The following ABHD12 variants were observed in gnomAD, a reference collection of about 807,000 sequenced individuals.
ABHD12 encodes the protein abhydrolase domain containing 12, lysophospholipase.
A neutral mutation model predicts 58.3 loss-of-function variants in ABHD12; 43 were observed. The observed-to-expected ratio is 0.74, with a 90% CI of 0.58 to 0.95. The LOEUF (loss-of-function observed/expected upper bound fraction) is 0.95, where lower values mean the gene tolerates loss of function less well. Among genes scored for constraint, ABHD12 ranks in the 40% least tolerant of loss-of-function variants. The pLI is 0.00. For synonymous variants in ABHD12, 219 were observed against 211.2 expected, an observed-to-expected ratio of 1.04 and a Z score of -0.32; for missense variants, 539 against 537.2, an observed-to-expected ratio of 1.00 and a Z score of -0.03.
intron 1 of ABHD12, among the ~76,000 whole-genome samples, chr20:25,386,925 T>C (rs1003423034): frequency 3.3e-5 from 5 of 152,120 alleles, no homozygotes; most frequent in Admixed American, 6.5e-5. Context: ...AATCTGGCTA[T>C]ACAATAAGAG....
At chr20:25,318,663 CTTTT>C (rs35288907) in intron 4 of ABHD12, among the ~76,000 whole-genome samples, 1 of 145,148 alleles carries the variant, frequency 6.9e-6, no homozygotes. Flanking sequence ...TAGGCAGGAT[CTTTT>C]TTTTTTTTTT....
chr20:25,385,533 G>C (rs2090077520), intron 1 of ABHD12, among the ~76,000 whole-genome samples: 1 of 152,048 alleles, frequency 6.6e-6, no homozygotes, highest in East Asian at 1.9e-4. Context: ...CACTGTAGTA[G>C]TTACCGAAGT....
In ABHD12 at chr20:25,309,447, C is replaced by T; in HGVS notation, c.748G>A (p.Gly250Ser). The change falls in exon 7 of 13, where the codon GGC (glycine) becomes AGC (serine). Residue 250 changes from glycine (G) to serine (S), a missense_variant and splice_region_variant. By Grantham distance (56) the Gly-to-Ser change is moderately conservative. Coordinates refer to ENST00000339157, the MANE Select transcript of ABHD12 (RefSeq NM_001042472.3). ...CTGCCTCCTGCTGGGGTCCCTTACCCAGTGCCCAGAGAGTGGCCCCAGATG... is the reference window on the plus strand; with the variant it reads ...CTGCCTCCTGCTGGGGTCCCTTACCTAGTGCCCAGAGAGTGGCCCCAGATG... The part of the protein sequence containing the change: ...VYIWGHSLGT[G>S]VATNLVRRLC... 1 of 1,614,096 alleles carries T rather than the reference C, an allele frequency of 6.2e-7. No homozygotes were observed. Among genetic ancestry groups the T allele is most frequent in the Non-Finnish European group, 8.5e-7 (1 of 1,179,986 alleles).
intron 1 of ABHD12, among the ~76,000 whole-genome samples, chr20:25,359,285 G>A (rs1425622802): frequency 2.7e-5 from 4 of 150,454 alleles, no homozygotes; most frequent in African/African-American, 9.8e-5. Flanking sequence ...TTAGCCGGGC[G>A]TGATGGCGGG....
intron 7 of ABHD12, 58 bp downstream of exon 7, chr20:25,309,388 G>A: frequency 1.2e-6 from 2 of 1,611,554 alleles, no homozygotes. Context: ...ATCCAGGCAT[G>A]GGAGTCACCA....
downstream of ABHD12, chr20:25,296,729 G>A (rs73343097): frequency 2.1e-3 from 1,413 of 685,068 alleles, 23 homozygotes; most frequent in African/African-American, 0.023. Flanking sequence ...TCTTGTAAAG[G>A]AAGCCAGAGT....
intron 1 of ABHD12, among the ~76,000 whole-genome samples, chr20:25,374,810 T>G (rs934679880): frequency 6.6e-6 from 1 of 152,190 alleles, no homozygotes; most frequent in Admixed American, 6.5e-5. Context: ...TACAGTGTTT[T>G]AATGTGCTTC....
rs58722006 is a variant in ABHD12, at chr20:25,362,874, T to A, written c.192-23523A>T. 6.6e-3 allele frequency among the ~76,000 whole-genome samples: 996 copies of A among 151,998 alleles called. 16 individuals are homozygous for A. The highest frequency in any genetic ancestry group is 0.023 in the African/African-American group (954 of 41,514). On this transcript the variant is annotated intron_variant, in intron 1 of 12. Coordinates refer to ENST00000339157, the MANE Select transcript of ABHD12 (RefSeq NM_001042472.3). Reference sequence around the variant, plus strand: ...TTTTTACTAGAGACAGGTTTCTCCATGTTGGTCAGGCTACTCTCGAAGTCC... The same window carrying A: ...TTTTTACTAGAGACAGGTTTCTCCAAGTTGGTCAGGCTACTCTCGAAGTCC...
chr20:25,358,879 G>C (rs1274294061), intron 1 of ABHD12, among the ~76,000 whole-genome samples: 1 of 152,034 alleles, frequency 6.6e-6, no homozygotes, highest in Non-Finnish European at 1.5e-5. Flanking sequence ...GTGAAGACCT[G>C]GATGAAAATC....
intron 2 of ABHD12, among the ~76,000 whole-genome samples, chr20:25,326,984 G>C (rs2089187255): frequency 6.6e-6 from 1 of 152,166 alleles, no homozygotes; most frequent in South Asian, 2.1e-4. Context: ...TAATGCCTTT[G>C]CCATGCAAGC....
chr20:25,330,009 C>A lies in ABHD12; in HGVS notation c.317-6579G>T, dbSNP rs150691036. Among the ~76,000 whole-genome samples, 214 of 152,332 alleles carry A rather than the reference C, an allele frequency of 1.4e-3. 2 individuals carry two copies. Among genetic ancestry groups the A allele is most frequent in the African/African-American group, 4.7e-3 (195 of 41,588 alleles). The stretch of plus-strand genomic sequence containing the variant: ...TCCAGTCTACAGCTCCCAGCGTGAG[C>A]GACACAGAAGACGGGTGATTTCTGC... On this transcript the variant is annotated intron_variant, in intron 2 of 12. Coordinates refer to ENST00000339157, the MANE Select transcript of ABHD12 (RefSeq NM_001042472.3).
intron 1 of ABHD12, among the ~76,000 whole-genome samples, chr20:25,361,971 A>C (rs1029170339): frequency 3.9e-4 from 58 of 149,938 alleles, no homozygotes; most frequent in South Asian, 8.5e-4. Flanking sequence ...CACACACACA[A>C]AAAAAGAAAA....
exon 13 of ABHD12, chr20:25,294,896 T>TTTCAGCTG: frequency 6.5e-7 from 1 of 1,538,132 alleles, no homozygotes; most frequent in South Asian, 1.1e-5. Flanking sequence ...TCACCTGCCC[T>TTTCAGCTG]CCACTTTCAG....
In ABHD12 at chr20:25,306,916, C is replaced by G. The variant is rs1181033459; in HGVS notation, c.868-1G>C. ...CAAACCCAGGGAAGTATCGATATAT[C>G]TGGAGACAAGATGGAAACCATTTTC... is the stretch of plus-strand genomic sequence containing the variant. On this transcript the variant is annotated splice_acceptor_variant, in intron 9 of 12. Coordinates refer to ENST00000339157, the MANE Select transcript of ABHD12 (RefSeq NM_001042472.3). LOFTEE classifies it high-confidence loss of function. The G allele has an allele frequency of 6.2e-7, 1 of 1,606,426 alleles. No homozygotes were observed. The highest frequency in any genetic ancestry group is 8.5e-7 in the Non-Finnish European group (1 of 1,173,916).
intron 1 of ABHD12, among the ~76,000 whole-genome samples, chr20:25,387,070 CCATTTTTTATTTTAAAAA>C (rs1568781610): frequency 6.6e-6 from 1 of 152,008 alleles, no homozygotes; most frequent in African/African-American, 2.4e-5. Context: ...AACTCAATCA[CCATTTTTTATTTTAAAAA>C]CATCAGTGAG....
chr20:25,305,433 G>T (rs755311478), intron 10 of ABHD12, among the ~76,000 whole-genome samples: 5 of 151,012 alleles, frequency 3.3e-5, no homozygotes, highest in African/African-American at 9.7e-5. Context: ...CGCGATCTCG[G>T]CCCACTACAA....
At position 25,339,753 on chromosome 20, in the gene ABHD12, T is replaced by C; in HGVS notation, c.192-402A>G. On this transcript the variant is annotated intron_variant, in intron 1 of 12. Coordinates refer to ENST00000339157, the MANE Select transcript of ABHD12 (RefSeq NM_001042472.3). ...CCCGATCCGTCTTCTGTGAGACAACTGCAGGCAGGCGTAGGTTACTTATTA... is the reference window on the plus strand; with the variant it reads ...CCCGATCCGTCTTCTGTGAGACAACCGCAGGCAGGCGTAGGTTACTTATTA... The C allele has an allele frequency of 4.6e-6, 6 of 1,318,626 alleles. No homozygotes were observed. The Admixed American group carries it at 1.4e-4, about 30-fold the overall frequency. 81.7% of individuals were successfully genotyped at this position (1,318,626 alleles called of 1,614,324 possible). A position where few individuals can be genotyped will look rare whatever the true frequency, so the allele number is the denominator to read the frequency against.
At chr20:25,373,312 C>T (rs1024890528) in intron 1 of ABHD12, among the ~76,000 whole-genome samples, 2 of 152,124 alleles carry the variant, frequency 1.3e-5, no homozygotes, top group East Asian at 1.9e-4. Context: ...TTTGGGAAGC[C>T]GGGGCGGGTG....
intron 2 of ABHD12, among the ~76,000 whole-genome samples, chr20:25,331,340 G>C (rs2089271981): frequency 1.3e-5 from 2 of 152,234 alleles, no homozygotes; most frequent in Admixed American, 6.5e-5. Context: ...TGGTGTACCT[G>C]AAAGTGACGG....
Sources: gnomAD v4.1 joint callset for allele counts (sites outside exome capture counted in the v4.1 genomes callset) on GRCh38, gnomAD v4.1.1 for gene constraint, MANE v1.5 for transcripts, NCBI Gene and HGNC (gene_info 2026-07-23, HGNC 2026-07-21) for gene names.